MOCS2: variants seen among roughly 807,000 people sequenced by gnomAD.
The protein encoded by MOCS2 is molybdenum cofactor synthesis 2.
Under a neutral mutation model 21.9 loss-of-function variants are expected in MOCS2, and 13 were observed. The ratio of observed to expected loss-of-function variants is 0.59; its 90% CI spans 0.39 to 0.94. The LOEUF is 0.94. Among genes scored for constraint, MOCS2 ranks in the 40% least tolerant of loss-of-function variants. MOCS2 has a pLI of 0.00. For missense variants in MOCS2, 227 were observed against 218.3 expected, an observed-to-expected ratio of 1.04 and a Z score of -0.25; for synonymous variants, 92 against 80.8, an observed-to-expected ratio of 1.14 and a Z score of -0.74.
Position 53,105,412 on chromosome 5 carries a change from A to C in MOCS2, c.98+1665T>G, listed in dbSNP as rs999954638. ...AATGAAACAGAACCCAGAACCCAGA[A>C]ATAAAGCTTCACACCTACAACTATC... On this transcript the variant is annotated intron_variant, in intron 3 of 6. Transcript: ENST00000396954. Among the ~76,000 whole-genome samples, 57 of 152,166 alleles carry C rather than the reference A, an allele frequency of 3.7e-4. 1 individual carries two copies. The highest frequency in any genetic ancestry group is 1.3e-3 in the African/African-American group (52 of 41,438).
At position 53,108,567 on chromosome 5, in the gene MOCS2, ATTTC is replaced by A; in HGVS notation, c.-97_-94del. 1 of 1,613,736 alleles carries A rather than the reference ATTTC, an allele frequency of 6.2e-7. No individual in the cohort carries two copies. The highest frequency in any genetic ancestry group is 8.5e-7 in the Non-Finnish European group (1 of 1,179,772). Reference sequence around the variant, plus strand: ...CTCCTTCCACAGCTGCAACGCTTTTATTTCTTGAGGCACAGAAATGGTCTCTGAA... The same window carrying A: ...CTCCTTCCACAGCTGCAACGCTTTTATTGAGGCACAGAAATGGTCTCTGAA... On this transcript the variant is annotated 5_prime_UTR_variant, in exon 2 of 7. Transcript: ENST00000396954.
chr5:53,098,318 A>G lies in MOCS2; in HGVS notation c.*284T>C, dbSNP rs1349805249. On this transcript the variant is annotated 3_prime_UTR_variant, in exon 7 of 7. Coordinates refer to ENST00000396954, the MANE Select transcript of MOCS2 (RefSeq NM_004531.5). ...ATACCTCAATGTGTGTTGAGTTACA[A>G]TTAGAAATTAGTCATGGAAGGACAT... 3 of 439,500 alleles carry G rather than the reference A, an allele frequency of 6.8e-6. No homozygotes were observed. The highest frequency in any genetic ancestry group is 6.0e-5 in the African/African-American group (3 of 50,304). 27.2% of individuals were successfully genotyped at this position (439,500 alleles called of 1,614,324 possible).
chr5:53,100,051 A>G (rs574559506), intron 6 of MOCS2, among the ~76,000 whole-genome samples: 1 of 152,234 alleles, frequency 6.6e-6, no homozygotes, highest in African/African-American at 2.4e-5. Context: ...CTTTCACTTT[A>G]AAGAATTTCT....
chr5:53,107,046 C>A, intron 3 of MOCS2, 31 bp downstream of exon 3: 2 of 1,612,716 alleles, frequency 1.2e-6, no homozygotes, highest in Non-Finnish European at 1.7e-6. Context: ...CTTCCCCACA[C>A]GACTGATTAA....
At position 53,108,597 on chromosome 5, in the gene MOCS2, C is replaced by T. The variant is rs577168655; in HGVS notation, c.-123G>A. On this transcript the variant is annotated 5_prime_UTR_variant, in exon 2 of 7. Transcript: ENST00000396954. ...TTGAGGCACAGAAATGGTCTCTGAA[C>T]GAACTCCTGTTATTTCAGCACTTTT... 2 of 1,613,410 alleles carry T rather than the reference C, an allele frequency of 1.2e-6. No individual in the cohort carries two copies. The highest frequency in any genetic ancestry group is 2.2e-5 in the South Asian group (2 of 91,028).
rs1417109850 is a variant in MOCS2, at chr5:53,109,743, G to A, written c.-662C>T. Reference sequence around the variant, plus strand: ...CAGCGGCACCATCCCGCCTAGGACAGCGGGACCGAATCACGGCCGCAAAGG... The same window carrying A: ...CAGCGGCACCATCCCGCCTAGGACAACGGGACCGAATCACGGCCGCAAAGG... On this transcript the variant is annotated 5_prime_UTR_variant, in exon 1 of 7. Coordinates refer to ENST00000396954, the MANE Select transcript of MOCS2 (RefSeq NM_004531.5). The A allele has an allele frequency of 2.6e-6, 4 of 1,549,324 alleles. No individual in the cohort carries two copies. In the South Asian group the frequency reaches 3.6e-5, roughly 14 times the overall value.
intron 2 of MOCS2, 33 bp from the exon 3 acceptor site, chr5:53,107,254 A>G: frequency 6.3e-7 from 1 of 1,585,876 alleles, no homozygotes; most frequent in Non-Finnish European, 8.6e-7. Flanking sequence ...CAAAGTATCA[A>G]CGCTATGATA....
intron 5 of MOCS2, chr5:53,100,969 C>G (rs1442376254): frequency 3.2e-6 from 1 of 308,974 alleles, no homozygotes; most frequent in Non-Finnish European, 6.0e-6. Context: ...TAGTAACTAA[C>G]AGAGTATGAT....
In MOCS2 at chr5:53,098,613, A is replaced by C; in HGVS notation, c.556T>G (p.Ser186Ala). The change falls in exon 7 of 7, where the codon TCC (serine) becomes GCC (alanine). Residue 186 changes from serine to alanine, a missense_variant. Coordinates refer to ENST00000396954, the MANE Select transcript of MOCS2 (RefSeq NM_004531.5). ...WKGNKECFWASNS is the reference protein window; with the variant it reads ...WKGNKECFWAANS ...AAAAACATAAGTGATTAACTGTTGG[A>C]TGCCCAAAAGCACTCTTTGTTTCCT... 1 of 1,613,706 alleles carries C rather than the reference A, an allele frequency of 6.2e-7. No individual in the cohort carries two copies. Among genetic ancestry groups the C allele is most frequent in the African/African-American group, 1.3e-5 (1 of 75,048 alleles).
At chr5:53,103,446 A>C (rs1455456805) in intron 3 of MOCS2, among the ~76,000 whole-genome samples, 1 of 152,234 alleles carries the variant, frequency 6.6e-6, no homozygotes, top group Admixed American at 6.5e-5. Flanking sequence ...CAGTGATTCT[A>C]CTGGAACTGG....
intron 1 of MOCS2, among the ~76,000 whole-genome samples, chr5:53,108,876 A>C (rs1741124324): frequency 6.6e-6 from 1 of 152,218 alleles, no homozygotes; most frequent in South Asian, 2.1e-4. Flanking sequence ...TTACAAACTT[A>C]AGTGTGCCAT....
chr5:53,101,961 A>T, intron 4 of MOCS2, 136 bp downstream of exon 4: 1 of 856,030 alleles, frequency 1.2e-6, no homozygotes. Context: ...ACTAAAAAAA[A>T]GTCTACCCAC....
rs1740814647 is a variant in MOCS2, at chr5:53,098,518, T to C, written c.*84A>G. 9 of 1,220,124 alleles carry C rather than the reference T, an allele frequency of 7.4e-6. No homozygotes were observed. Among genetic ancestry groups the C allele is most frequent in the African/African-American group, 1.5e-5 (1 of 67,136 alleles). 75.6% of individuals were successfully genotyped at this position (1,220,124 alleles called of 1,614,324 possible). On this transcript the variant is annotated 3_prime_UTR_variant, in exon 7 of 7. Coordinates refer to ENST00000396954, the MANE Select transcript of MOCS2 (RefSeq NM_004531.5). ...GAGATTGTGCTTCAGTAAACTATCCTGATGTGGAGAGAAAAAAATCAAAAT... is the reference window on the plus strand; with the variant it reads ...GAGATTGTGCTTCAGTAAACTATCCCGATGTGGAGAGAAAAAAATCAAAAT...
In MOCS2 at chr5:53,097,717, T is replaced by C. The variant is rs2112077911; in HGVS notation, c.*885A>G. 6.6e-6 allele frequency: 1 copy of C among 152,242 alleles called. No individual in the cohort carries two copies. Among genetic ancestry groups the C allele is most frequent in the East Asian group, 1.9e-4 (1 of 5,190 alleles). 9.4% of individuals were successfully genotyped at this position (152,242 alleles called of 1,614,324 possible). A position where few individuals can be genotyped will look rare whatever the true frequency, so the allele number is the denominator to read the frequency against. On this transcript the variant is annotated 3_prime_UTR_variant, in exon 7 of 7. Coordinates refer to ENST00000396954, the MANE Select transcript of MOCS2 (RefSeq NM_004531.5). ...TCACAATGTATATGTGTATCAAAAA[T>C]CACATTGTATACTTTAAATACATAC...
At chr5:53,104,450 C>T (rs1740998597) in intron 3 of MOCS2, among the ~76,000 whole-genome samples, 1 of 152,142 alleles carries the variant, frequency 6.6e-6, no homozygotes, top group South Asian at 2.1e-4. Context: ...CTGTAATTAC[C>T]ACAAATATCC....
chr5:53,102,951 C>CAAAAAAAAAAAA (rs70983322), intron 3 of MOCS2, among the ~76,000 whole-genome samples: 1 of 123,590 alleles, frequency 8.1e-6, no homozygotes, highest in Non-Finnish European at 1.7e-5. Context: ...TACCCCATCT[C>CAAAAAAAAAAAA]AAAAAAAAAA....
At position 53,097,321 on chromosome 5, in the gene MOCS2, A is replaced by G. The variant is rs2112077364; in HGVS notation, c.*1281T>C. The G allele has an allele frequency of 6.6e-6, 1 of 152,346 alleles. No homozygotes were observed. The highest frequency in any genetic ancestry group is 1.5e-5 in the Non-Finnish European group (1 of 68,036). The allele number at this position is 152,346 out of a possible 1,614,324, so 9.4% of individuals were successfully genotyped here. A position where few individuals can be genotyped will look rare whatever the true frequency, so the allele number is the denominator to read the frequency against. On this transcript the variant is annotated 3_prime_UTR_variant, in exon 7 of 7. Transcript: ENST00000396954. ...CTCAAGGTATTTTAGGTTGGCAGAAAAAGATCACTGGGTGGGTGCCTGGCA... is the reference window on the plus strand; with the variant it reads ...CTCAAGGTATTTTAGGTTGGCAGAAGAAGATCACTGGGTGGGTGCCTGGCA...
intron 4 of MOCS2, 129 bp downstream of exon 4, chr5:53,101,968 C>T: frequency 1.1e-6 from 1 of 939,220 alleles, no homozygotes; most frequent in Non-Finnish European, 1.6e-6. Flanking sequence ...AAAAGTCTAC[C>T]CACCATCATC....
At chr5:53,099,766 G>C (rs1304501035) in intron 6 of MOCS2, among the ~76,000 whole-genome samples, 2 of 152,096 alleles carry the variant, frequency 1.3e-5, no homozygotes, top group South Asian at 2.1e-4. Context: ...CAACCACAAC[G>C]CTGTAGGCAA....
Sources: gnomAD v4.1 joint callset for allele counts (sites outside exome capture counted in the v4.1 genomes callset) on GRCh38, gnomAD v4.1.1 for gene constraint, MANE v1.5 for transcripts, NCBI Gene and HGNC (gene_info 2026-07-23, HGNC 2026-07-21) for gene names.